MMAA: variants seen among roughly 807,000 people sequenced by gnomAD.
MMAA encodes the protein methylmalonic aciduria type A protein, mitochondrial.
A neutral mutation model predicts 45.0 loss-of-function variants in MMAA; 41 were observed. The observed-to-expected ratio is 0.91, with a 90% CI of 0.71 to 1.18. The LOEUF (loss-of-function observed/expected upper bound fraction) is 1.18, where lower values mean the gene tolerates loss of function less well. Ranked by LOEUF, MMAA falls within the 50% of genes most tolerant of loss-of-function variation. The pLI, the probability that MMAA is intolerant of heterozygous loss-of-function variation, is 0.00. For synonymous variants in MMAA, 154 were observed against 178.2 expected (o/e 0.86, Z 1.08); for missense variants, 460 against 495.7 (o/e 0.93, Z 0.68).
intron 4 of MMAA, among the ~76,000 whole-genome samples, chr4:145,648,158 T>C (rs144133758): frequency 0.076 from 11,297 of 148,300 alleles, 531 homozygotes; most frequent in South Asian, 0.14. Flanking sequence ...TTTTTTTTTT[T>C]TTTTTTAAAG....
intron 1 of MMAA, chr4:145,624,686 T>C: frequency 6.6e-7 from 1 of 1,517,120 alleles, no homozygotes; most frequent in Non-Finnish European, 9.1e-7. Context: ...CAGGTTTGGG[T>C]TCCATGGGCA....
chr4:145,651,500 A>G (rs974868966), intron 5 of MMAA, among the ~76,000 whole-genome samples: 1 of 152,166 alleles, frequency 6.6e-6, no homozygotes, highest in South Asian at 2.1e-4. Context: ...CATAGTTTAT[A>G]TGTTGTACAA....
rs911909320 is a variant in MMAA at position 145,658,167 on chromosome 4, C to T, written c.*2733C>T. On this transcript the variant is annotated 3_prime_UTR_variant, in exon 7 of 7. Coordinates refer to ENST00000649156, the MANE Select transcript of MMAA (RefSeq NM_172250.3). ...CCTAGAAGCTGAGCAGATGCCAGCA[C>T]CATGCTTCCTGTAGTCTGTAGAACC... 2.0e-5 allele frequency: 3 copies of T among 152,540 alleles called. No individual in the cohort carries two copies. The highest frequency in any genetic ancestry group is 7.2e-5 in the African/African-American group (3 of 41,424). 9.4% of individuals were successfully genotyped at this position (152,540 alleles called of 1,614,324 possible).
chr4:145,619,833 C>A (rs1414408254), intron 1 of MMAA, among the ~76,000 whole-genome samples: 1 of 152,098 alleles, frequency 6.6e-6, no homozygotes, highest in Non-Finnish European at 1.5e-5. Context: ...AATTGAAACT[C>A]TTTTCTGGGA....
chr4:145,625,006 A>G (rs1560790303), intron 1 of MMAA: 1 of 942,454 alleles, frequency 1.1e-6, no homozygotes, highest in African/African-American at 1.6e-5. Flanking sequence ...CAAGCCAATC[A>G]TTCATATTAT....
At chr4:145,620,019 T>A (rs1452605039) in intron 1 of MMAA, among the ~76,000 whole-genome samples, 1 of 152,210 alleles carries the variant, frequency 6.6e-6, no homozygotes, top group African/African-American at 2.4e-5. Context: ...AATATAAAAA[T>A]TTTTTATTAT....
At chr4:145,648,467 T>A (rs1432985308) in intron 4 of MMAA, among the ~76,000 whole-genome samples, 1 of 152,056 alleles carries the variant, frequency 6.6e-6, no homozygotes, top group Non-Finnish European at 1.5e-5. Context: ...TGTTTCTAGA[T>A]GAGGGGAACA....
At chr4:145,622,300 C>G (rs544159704) in intron 1 of MMAA, among the ~76,000 whole-genome samples, 2 of 152,334 alleles carry the variant, frequency 1.3e-5, no homozygotes, top group Non-Finnish European at 2.9e-5. Context: ...TAAGACATGA[C>G]TTGCTCCTCC....
rs370814663 is a variant in MMAA, at chr4:145,655,142, G to A, written c.970-5G>A. On this transcript the variant is annotated splice_polypyrimidine_tract_variant and splice_region_variant and intron_variant, in intron 6 of 6. Transcript: ENST00000649156. ...AAAATGGTCTGGTTCTTCCCTTTTC[G>A]ATAGGTAATTCGTATTTCTGCCCGA... 9.3e-6 allele frequency: 15 copies of A among 1,613,778 alleles called. No homozygotes were observed. In the Admixed American group the frequency reaches 1.7e-4, roughly 18 times the overall value.
chr4:145,651,193 C>T, intron 5 of MMAA, 46 bp downstream of exon 5: 1 of 1,514,598 alleles, frequency 6.6e-7, no homozygotes, highest in Non-Finnish European at 9.1e-7. Context: ...ATGTATATCT[C>T]TGAAAATAAA....
intron 2 of MMAA, among the ~76,000 whole-genome samples, chr4:145,640,938 C>G (rs1727762714): frequency 6.6e-6 from 1 of 152,024 alleles, no homozygotes; most frequent in Admixed American, 6.6e-5. Context: ...TGAGTAAATA[C>G]TTTTAAAATT....
At chr4:145,651,843 G>A (rs1174178158) in intron 5 of MMAA, among the ~76,000 whole-genome samples, 1 of 152,176 alleles carries the variant, frequency 6.6e-6, no homozygotes, top group Non-Finnish European at 1.5e-5. Context: ...AGATCATCAG[G>A]CATCAATTAG....
intron 1 of MMAA, among the ~76,000 whole-genome samples, chr4:145,634,979 G>A (rs898289673): frequency 3.3e-5 from 5 of 151,864 alleles, no homozygotes; most frequent in African/African-American, 1.2e-4. Context: ...GCAGAAAGAA[G>A]GTGTCTCTTT....
At chr4:145,630,278 T>A (rs1734307646) in intron 1 of MMAA, among the ~76,000 whole-genome samples, 1 of 152,206 alleles carries the variant, frequency 6.6e-6, no homozygotes, top group Non-Finnish European at 1.5e-5. Flanking sequence ...TGTTTTCAAT[T>A]TATTGACATA....
intron 1 of MMAA, among the ~76,000 whole-genome samples, chr4:145,630,198 G>T (rs190906866): frequency 2.0e-5 from 3 of 152,164 alleles, no homozygotes; most frequent in Admixed American, 2.0e-4. Flanking sequence ...GTATATTCAG[G>T]TTTTGGATTT....
In MMAA at chr4:145,620,538, T is replaced by G. The variant is rs116627003; in HGVS notation, c.-66+1131T>G. Among the ~76,000 whole-genome samples the G allele has an allele frequency of 9.4e-3, 1,433 of 152,342 alleles. 10 individuals carry two copies. Among genetic ancestry groups the G allele is most frequent in the Non-Finnish European group, 0.016 (1,060 of 68,028 alleles). ...GATTTTTAATGTTACTTGCAACCAATTTAGTTAACACACACCTTCTGTGGG... is the reference window on the plus strand; with the variant it reads ...GATTTTTAATGTTACTTGCAACCAAGTTAGTTAACACACACCTTCTGTGGG... On this transcript the variant is annotated intron_variant, in intron 1 of 6. Coordinates refer to ENST00000649156, the MANE Select transcript of MMAA (RefSeq NM_172250.3).
chr4:145,624,442 G>C, intron 1 of MMAA: 1 of 817,962 alleles, frequency 1.2e-6, no homozygotes, highest in South Asian at 1.5e-5. Context: ...TTTAGCTTTT[G>C]TTTGCCAGCT....
chr4:145,641,343 T>C (rs1727775744), intron 2 of MMAA, among the ~76,000 whole-genome samples: 1 of 152,214 alleles, frequency 6.6e-6, no homozygotes. Context: ...CTTGATCTTA[T>C]GAGGCCAGAT....
intron 5 of MMAA, among the ~76,000 whole-genome samples, chr4:145,653,270 A>G (rs910635854): frequency 1.1e-4 from 17 of 152,358 alleles, no homozygotes; most frequent in South Asian, 4.1e-4. Flanking sequence ...AACATTAACT[A>G]TTAGTATTTC....
Sources: allele counts gnomAD v4.1 joint callset (sites outside exome capture counted in the v4.1 genomes callset), GRCh38; gene constraint gnomAD v4.1.1; transcripts MANE v1.5; gene names NCBI Gene and HGNC (gene_info 2026-07-23, HGNC 2026-07-21).